Variants in TNK2 observed in about 807,000 individuals in gnomAD.
TNK2 encodes tyrosine kinase non receptor 2, also known as activated CDC42 kinase 1.
Under a neutral mutation model 101.8 loss-of-function variants are expected in TNK2, and 83 were observed. That is an observed-to-expected ratio of 0.82 (90% CI 0.68 to 0.98). The LOEUF is 0.98. Among genes scored for constraint, TNK2 ranks in the 50% least tolerant of loss-of-function variants. TNK2 has a pLI of 0.00. For missense variants in TNK2, 1,665 were observed against 1,483.2 expected, an observed-to-expected ratio of 1.12 and a Z score of -2.01; for synonymous variants, 804 against 633.0, an observed-to-expected ratio of 1.27 and a Z score of -4.06.
rs1759058517 is a variant in TNK2 at position 195,892,671 on chromosome 3, A to C, written c.-18-4065T>G. ...GGTTTCCACAGCTGGCCGGTCTGGC[A>C]GGGAGCAGAGCTTTCCTCACGCTGG... is the stretch of plus-strand genomic sequence containing the variant. On this transcript the variant is annotated intron_variant, in intron 1 of 15. Coordinates refer to ENST00000672887, the MANE Select transcript of TNK2 (RefSeq NM_001382273.1). The C allele has an allele frequency of 2.3e-5, 32 of 1,361,708 alleles. 1 individual carries two copies. In the South Asian group the frequency reaches 4.5e-4, roughly 19 times the overall value. 84.4% of individuals were successfully genotyped at this position (1,361,708 alleles called of 1,614,324 possible). A position where few individuals can be genotyped will look rare whatever the true frequency, so the allele number is the denominator to read the frequency against.
At chr3:195,907,500 C>A (rs1761858837) in intron 1 of TNK2, among the ~76,000 whole-genome samples, 1 of 152,210 alleles carries the variant, frequency 6.6e-6, no homozygotes, top group Admixed American at 6.5e-5. Flanking sequence ...AGCAACCCTG[C>A]ACCCATCCCC....
In TNK2 at chr3:195,872,380, C is replaced by G. The variant is rs141375696; in HGVS notation, c.1347G>C (p.Leu449=). 1.9e-6 allele frequency: 3 copies of G among 1,613,372 alleles called. No individual in the cohort carries two copies. Among genetic ancestry groups the G allele is most frequent in the African/African-American group, 1.3e-5 (1 of 75,060 alleles). Reference sequence around the variant, plus strand: ...GGGGCTGGCTGATGTCCTGGGCCGACAGGCCGGCCACGGAGGTCACCACGT... The same window carrying G: ...GGGGCTGGCTGATGTCCTGGGCCGAGAGGCCGGCCACGGAGGTCACCACGT... The part of the protein sequence containing the change: ...PRNVVTSVAG[L]SAQDISQPLQ... The change falls in exon 10 of 16, where the codon CTG becomes CTC. Residue 449 remains leucine (L), a synonymous_variant. Coordinates refer to ENST00000672887, the MANE Select transcript of TNK2 (RefSeq NM_001382273.1).
Position 195,867,257 on chromosome 3 carries a change from G to C in TNK2, c.2945C>G (p.Ala982Gly). Reference protein sequence around the residue: ...RPADKIQMLQAMVHGVTTEEC... With the variant: ...RPADKIQMLQGMVHGVTTEEC... The stretch of plus-strand genomic sequence containing the variant: ...CTCTGTGGTCACCCCATGCACCATG[G>C]CCTGCAGCTGGGCACACCCACCCCT... The change falls in exon 14 of 16, where the codon GCC becomes GGC. Residue 982 changes from alanine to glycine, a missense_variant. By Grantham distance (60) the Ala-to-Gly change is moderately conservative. Transcript: ENST00000672887. The C allele has an allele frequency of 1.2e-6, 2 of 1,611,972 alleles. No individual in the cohort carries two copies. The highest frequency in any genetic ancestry group is 1.7e-6 in the Non-Finnish European group (2 of 1,179,462).
intron 10 of TNK2, among the ~76,000 whole-genome samples, chr3:195,871,567 G>GTTCT (rs1338572506): frequency 6.6e-6 from 1 of 152,086 alleles, no homozygotes; most frequent in Non-Finnish European, 1.5e-5. Context: ...GGGGGTCATG[G>GTTCT]GAGAAGCTCT....
intron 1 of TNK2, among the ~76,000 whole-genome samples, chr3:195,900,761 T>C (rs1761123854): frequency 6.6e-6 from 1 of 152,182 alleles, no homozygotes. Context: ...CCATGCACTG[T>C]CACGGCACGG....
Position 195,907,405 on chromosome 3 carries a change from G to C in TNK2, c.-19+1080C>G, listed in dbSNP as rs553852102. Among the ~76,000 whole-genome samples the C allele has an allele frequency of 1.4e-4, 22 of 152,338 alleles. 1 individual carries two copies. The South Asian group carries it at 4.6e-3, about 32-fold the overall frequency. On this transcript the variant is annotated intron_variant, in intron 1 of 15. Coordinates refer to ENST00000672887, the MANE Select transcript of TNK2 (RefSeq NM_001382273.1). The stretch of plus-strand genomic sequence containing the variant: ...AGAGGAGAGCACCCAGTCTGGTTCG[G>C]GACAGGGGTCTGGGTCCATCTGACT...
chr3:195,908,342 G>GAAA (rs1761966902), intron 1 of TNK2, 143 bp downstream of exon 1: 1 of 152,516 alleles, frequency 6.6e-6, no homozygotes, highest in African/African-American at 2.4e-5. Context: ...CTGCCTTGCC[G>GAAA]CTGAAAACTG....
chr3:195,883,516 C>G (rs1394147217), intron 4 of TNK2: 5 of 557,184 alleles, frequency 9.0e-6, no homozygotes, highest in Non-Finnish European at 1.6e-5. Flanking sequence ...CAGGAGCCAT[C>G]GTCGGCCACA....
At chr3:195,894,320 G>A (rs1162655270) in intron 1 of TNK2, 5 of 152,212 alleles carry the variant, frequency 3.3e-5, no homozygotes, top group Non-Finnish European at 5.9e-5. Flanking sequence ...CCTGACCTTG[G>A]ATGTCCAGTA....
chr3:195,867,881 G>A lies in TNK2; in HGVS notation c.2417C>T (p.Thr806Ile). Residue 806 changes from threonine to isoleucine, a missense_variant, in exon 13 of 16, where the codon ACA (threonine) becomes ATA (isoleucine). Coordinates refer to ENST00000672887, the MANE Select transcript of TNK2 (RefSeq NM_001382273.1). The stretch of plus-strand genomic sequence containing the variant: ...GCCAGGTGGTACCAGGGGGCTGGGT[G>A]TCCTCGAGCCTTGAGGGGACAGGGG... Reference protein sequence around the residue: ...REPLSPQGSRTPSPLVPPGSS... With the variant: ...REPLSPQGSRIPSPLVPPGSS... The A allele has an allele frequency of 6.5e-7, 1 of 1,529,576 alleles. No homozygotes were observed. The highest frequency in any genetic ancestry group is 8.7e-7 in the Non-Finnish European group (1 of 1,145,614). 94.8% of individuals were successfully genotyped at this position (1,529,576 alleles called of 1,614,324 possible). A position where few individuals can be genotyped will look rare whatever the true frequency, so the allele number is the denominator to read the frequency against.
Position 195,882,346 on chromosome 3 carries a change from GC to G in TNK2, c.610-19del. On this transcript the variant is annotated intron_variant, in intron 5 of 15. Transcript: ENST00000672887. The surrounding 1 kb of genome is among the most constrained non-coding windows in gnomAD (Gnocchi z 4.2). ...TCTGTCACCTGAGGCCACGGAGGAGGCAGGAGGAATGAGCTGGAGGACCCTG... is the reference window on the plus strand; with the variant it reads ...TCTGTCACCTGAGGCCACGGAGGAGGAGGAGGAATGAGCTGGAGGACCCTG... 6.2e-7 allele frequency: 1 copy of G among 1,607,970 alleles called. No individual in the cohort carries two copies. The highest frequency in any genetic ancestry group is 8.5e-7 in the Non-Finnish European group (1 of 1,175,458).
At position 195,867,336 on chromosome 3, in the gene TNK2, G is replaced by A. The variant is rs1183168571; in HGVS notation, c.2937+25C>T. ...GGCCCCTTGGGCCCTGCCCCGCTTC[G>A]CCCACAGCCAGGCTGGGTGCTCACC... On this transcript the variant is annotated intron_variant, in intron 13 of 15. Transcript: ENST00000672887. 5 of 1,608,034 alleles carry A rather than the reference G, an allele frequency of 3.1e-6. No homozygotes were observed. The highest frequency in any genetic ancestry group is 1.7e-5 in the Admixed American group (1 of 59,230).
Position 195,878,939 on chromosome 3 carries a change from G to T in TNK2, c.1014+110C>A. Reference sequence around the variant, plus strand: ...CGGGAAGTGGGGGGAGGCACGGGGCGTGGGAGGAGGGAGTCCATTGGTGAG... The same window carrying T: ...CGGGAAGTGGGGGGAGGCACGGGGCTTGGGAGGAGGGAGTCCATTGGTGAG... On this transcript the variant is annotated intron_variant, in intron 7 of 15. Coordinates refer to ENST00000672887, the MANE Select transcript of TNK2 (RefSeq NM_001382273.1). This position sits in a 1 kb window ranked among gnomAD's most constrained non-coding sequence, Gnocchi z 4.7. 1 of 1,516,018 alleles carries T rather than the reference G, an allele frequency of 6.6e-7. No individual in the cohort carries two copies. The allele number at this position is 1,516,018 out of a possible 1,614,324, so 93.9% of individuals were successfully genotyped here.
chr3:195,896,189 C>T (rs1420966719), intron 1 of TNK2: 2 of 445,350 alleles, frequency 4.5e-6, no homozygotes, highest in Non-Finnish European at 9.0e-6. Context: ...GGCAGAGGCT[C>T]TTCCTCTCCC....
At chr3:195,866,757 C>G in intron 15 of TNK2, 132 bp downstream of exon 15, 1 of 1,340,468 alleles carries the variant, frequency 7.5e-7, no homozygotes, top group South Asian at 1.5e-5. Context: ...GAGCGCCTCC[C>G]TCCCGCAGCT....
At chr3:195,897,810 A>AC (rs1560543846) in intron 1 of TNK2, among the ~76,000 whole-genome samples, 48 of 26,130 alleles carry the variant, frequency 1.8e-3, no homozygotes, top group Admixed American at 2.8e-3. Context: ...CCACCCCCTC[A>AC]CCCCCCCACC....
intron 4 of TNK2, 66 bp from the exon 5 acceptor site, chr3:195,883,375 C>T: frequency 6.3e-7 from 1 of 1,585,368 alleles, no homozygotes; most frequent in Non-Finnish European, 8.6e-7. Context: ...AGCCAACCTG[C>T]TCCACCCTCC....
In TNK2 at chr3:195,878,329, G is replaced by A. The variant is rs761815054; in HGVS notation, c.1180C>T (p.Arg394Trp). The change falls in exon 9 of 16, where the codon CGG becomes TGG. Residue 394 changes from arginine (R) to tryptophan (W), a missense_variant. Coordinates refer to ENST00000672887, the MANE Select transcript of TNK2 (RefSeq NM_001382273.1). The surrounding 1 kb of genome is among the most constrained non-coding windows in gnomAD (Gnocchi z 4.7). ...GGTTCCTCAAAGTCCTGAAGGGCCC[G>A]CATGTCTGTGGGCTGGGCCTGGAGG... ...FLLEAQPTDM[R>W]ALQDFEEPDK... The A allele has an allele frequency of 9.9e-6, 16 of 1,613,984 alleles. No homozygotes were observed. The highest frequency in any genetic ancestry group is 2.2e-5 in the South Asian group (2 of 91,086).
intron 1 of TNK2, among the ~76,000 whole-genome samples, chr3:195,902,794 GAC>G (rs1761348451): frequency 6.6e-6 from 1 of 151,920 alleles, no homozygotes; most frequent in South Asian, 2.1e-4. Context: ...CTGTCACCCA[GAC>G]TGGAGTGCAG....
Sources: gnomAD v4.1 joint callset for allele counts (sites outside exome capture counted in the v4.1 genomes callset) on GRCh38, gnomAD v4.1.1 for gene constraint, Gnocchi (gnomAD v3.1) non-coding constraint, MANE v1.5 for transcripts, NCBI Gene and HGNC (gene_info 2026-07-23, HGNC 2026-07-21) for gene names.